Variants in PSMG2 observed in about 807,000 individuals in gnomAD.
PSMG2 encodes the protein proteasome assembly chaperone 2, also known as CD40 ligand-activated specific transcript 3.
In PSMG2, 21 loss-of-function variants were observed where a neutral mutation model predicts 31.5. The observed-to-expected ratio is 0.67, with a 90% confidence interval of 0.47 to 0.96. The LOEUF (loss-of-function observed/expected upper bound fraction) is 0.96, where lower values mean the gene tolerates loss of function less well. PSMG2 is among the 40% of genes least tolerant of loss of function. The pLI is 0.00. For missense variants in PSMG2, 318 were observed against 321.2 expected (o/e 0.99, Z 0.08); for synonymous variants, 120 against 110.4 (o/e 1.09, Z -0.54).
At chr18:12,664,763 AT>A (rs1329127997) in intron 1 of PSMG2, among the ~76,000 whole-genome samples, 1 of 150,152 alleles carries the variant, frequency 6.7e-6, no homozygotes, top group African/African-American at 2.5e-5. Flanking sequence ...CAGTGGTACA[AT>A]CTCAGCTCAG....
intron 1 of PSMG2, among the ~76,000 whole-genome samples, chr18:12,704,458 C>T (rs2040241327): frequency 6.6e-6 from 1 of 151,878 alleles, no homozygotes; most frequent in African/African-American, 2.4e-5. Flanking sequence ...GGTGTGGTTT[C>T]CTGCACCTGT....
intron 1 of PSMG2, among the ~76,000 whole-genome samples, chr18:12,681,996 TAA>T (rs1163314226): frequency 1.5e-5 from 2 of 136,162 alleles, no homozygotes; most frequent in Admixed American, 7.4e-5. Flanking sequence ...ACTCTGTCTC[TAA>T]AAAAAAAAAG....
At chr18:12,699,040 T>C, upstream of PSMG2, 2 of 1,614,090 alleles carry the variant, frequency 1.2e-6, no homozygotes, top group Non-Finnish European at 1.7e-6. Flanking sequence ...CACAGGCACA[T>C]GGAACAGGTT....
At chr18:12,718,763 G>A in intron 4 of PSMG2, 128 bp downstream of exon 4, 1 of 571,300 alleles carries the variant, frequency 1.8e-6, no homozygotes, top group South Asian at 3.4e-5. Flanking sequence ...GAAAGAGGGG[G>A]GTAAGAGAAG....
At chr18:12,703,188 G>A (rs754315107) in intron 1 of PSMG2, 24 bp downstream of exon 1, 58 of 1,596,332 alleles carry the variant, frequency 3.6e-5, no homozygotes, top group Non-Finnish European at 4.9e-5. Flanking sequence ...TGCGCTCGGG[G>A]CTGCCGCCTC....
chr18:12,717,488 T>C (rs1036993531), intron 3 of PSMG2, among the ~76,000 whole-genome samples: 1 of 152,220 alleles, frequency 6.6e-6, no homozygotes, highest in African/African-American at 2.4e-5. Flanking sequence ...GTTTCCTTCT[T>C]CGAAACAATC....
chr18:12,699,986 A>C (rs1598667925), upstream of PSMG2: 5 of 872,872 alleles, frequency 5.7e-6, no homozygotes, highest in Non-Finnish European at 8.6e-6. Context: ...ATGACTAAGC[A>C]CTGAACCTAA....
chr18:12,677,458 CAAAAAA>C (rs71174127), intron 1 of PSMG2, among the ~76,000 whole-genome samples: 22 of 53,940 alleles, frequency 4.1e-4, no homozygotes, highest in African/African-American at 8.3e-4. Context: ...GATTCCATCT[CAAAAAA>C]AAAAAAAAAA....
At chr18:12,679,321 G>T (rs557644650) in intron 1 of PSMG2, 1 of 152,164 alleles carries the variant, frequency 6.6e-6, no homozygotes, top group Non-Finnish European at 1.5e-5. Context: ...ACAGAAGTTC[G>T]AGCAATTTGC....
chr18:12,661,318 GA>G (rs965185754), intron 1 of PSMG2: 11 of 972,832 alleles, frequency 1.1e-5, no homozygotes, highest in Admixed American at 6.2e-5. Flanking sequence ...CAAAAAAGAA[GA>G]AAAAAAATTG....
intron 5 of PSMG2, among the ~76,000 whole-genome samples, chr18:12,723,058 GT>G (rs1172991175): frequency 6.6e-6 from 1 of 152,220 alleles, no homozygotes; most frequent in Non-Finnish European, 1.5e-5. Flanking sequence ...GAGGCTAACA[GT>G]TTCTACTTTG....
At chr18:12,705,657 A>G (rs766509620) in intron 1 of PSMG2, among the ~76,000 whole-genome samples, 7 of 152,000 alleles carry the variant, frequency 4.6e-5, no homozygotes, top group Non-Finnish European at 1.0e-4. Context: ...AGGCACTAAT[A>G]AAGCAAATGG....
At chr18:12,693,625 A>G (rs1049458624) in intron 1 of PSMG2, among the ~76,000 whole-genome samples, 1 of 152,136 alleles carries the variant, frequency 6.6e-6, no homozygotes, top group Admixed American at 6.5e-5. Flanking sequence ...TCTATTAAAA[A>G]TACAAAAATT....
chr18:12,690,079 G>A (rs1019825664), intron 1 of PSMG2, among the ~76,000 whole-genome samples: 3 of 141,050 alleles, frequency 2.1e-5, no homozygotes, highest in Non-Finnish European at 3.3e-5. Context: ...GTGAGCCACC[G>A]CGCCCGGCCA....
chr18:12,725,600 A>G lies in PSMG2; in HGVS notation c.*69A>G. On this transcript the variant is annotated 3_prime_UTR_variant, in exon 7 of 7. Transcript: ENST00000317615. ...AACACAGCTGTTAAACATTCTATACAAAAAAATTGTATGATCTGGTATTAG... is the reference window on the plus strand; with the variant it reads ...AACACAGCTGTTAAACATTCTATACGAAAAAATTGTATGATCTGGTATTAG... 8.4e-7 allele frequency: 1 copy of G among 1,185,920 alleles called. No homozygotes were observed. Among genetic ancestry groups the G allele is most frequent in the South Asian group, 1.5e-5 (1 of 65,126 alleles). The allele number at this position is 1,185,920 out of a possible 1,614,324, so 73.5% of individuals were successfully genotyped here.
At chr18:12,680,783 CAAG>C (rs748588475) in intron 1 of PSMG2, 9 of 1,613,538 alleles carry the variant, frequency 5.6e-6, no homozygotes, top group African/African-American at 1.3e-5. Context: ...AATCCATATC[CAAG>C]AAGAAGGCTG....
At chr18:12,675,185 A>G (rs1314348024) in intron 1 of PSMG2, among the ~76,000 whole-genome samples, 1 of 152,170 alleles carries the variant, frequency 6.6e-6, no homozygotes, top group Non-Finnish European at 1.5e-5. Context: ...TCATGAGGTC[A>G]GGAGATTGAG....
intron 1 of PSMG2, among the ~76,000 whole-genome samples, chr18:12,660,830 A>G (rs2038682512): frequency 6.6e-6 from 1 of 152,180 alleles, no homozygotes; most frequent in Non-Finnish European, 1.5e-5. Flanking sequence ...CATATATGTA[A>G]TTAAGTTGAG....
chr18:12,700,909 T>C (rs2040127800), upstream of PSMG2: 1 of 1,433,416 alleles, frequency 7.0e-7, no homozygotes, highest in Non-Finnish European at 9.6e-7. Context: ...GTGTTACGCA[T>C]TAGTATATAC....
Sources: allele counts gnomAD v4.1 joint callset (sites outside exome capture counted in the v4.1 genomes callset), GRCh38; gene constraint gnomAD v4.1.1; transcripts MANE v1.5; gene names NCBI Gene and HGNC (gene_info 2026-07-23, HGNC 2026-07-21).